C12orf56: variants seen among roughly 807,000 people sequenced by gnomAD.
C12orf56 encodes the protein uncharacterized protein C12orf56.
A neutral mutation model predicts 69.9 loss-of-function variants in C12orf56; 71 were observed. The ratio of observed to expected loss-of-function variants is 1.02; its 90% confidence interval spans 0.84 to 1.24. C12orf56 has a LOEUF of 1.24. Ranked by LOEUF, C12orf56 falls within the 50% of genes most tolerant of loss-of-function variation. The pLI is 0.00. For missense variants in C12orf56, 732 were observed against 738.5 expected (o/e 0.99, Z 0.10); for synonymous variants, 276 against 274.1 (o/e 1.01, Z -0.07).
At chr12:64,308,022 A>G (rs1191760343) in intron 5 of C12orf56, among the ~76,000 whole-genome samples, 1 of 151,838 alleles carries the variant, frequency 6.6e-6, no homozygotes, top group Non-Finnish European at 1.5e-5. Context: ...TCTCAAAAGT[A>G]AATAAAATAT....
chr12:64,322,659 C>A (rs1242511761), intron 3 of C12orf56, among the ~76,000 whole-genome samples: 1 of 152,144 alleles, frequency 6.6e-6, no homozygotes, highest in East Asian at 1.9e-4. Context: ...TTTCTGATAA[C>A]AACATCCTTC....
At chr12:64,281,945 G>A (rs2038134364) in intron 8 of C12orf56, among the ~76,000 whole-genome samples, 1 of 152,104 alleles carries the variant, frequency 6.6e-6, no homozygotes, top group African/African-American at 2.4e-5. Flanking sequence ...AAAAGGTGGA[G>A]AAAAAGGATA....
Position 64,330,980 on chromosome 12 carries a change from A to C in C12orf56, c.468T>G (p.Ser156Arg). The change falls in exon 3 of 13, where the codon AGT becomes AGG. Residue 156 changes from serine to arginine, a missense_variant. By Grantham distance (110) the Ser-to-Arg change is moderately radical (BLOSUM62 -1). Coordinates refer to ENST00000543942, the MANE Select transcript of C12orf56 (RefSeq NM_001170633.2). Reference protein sequence around the residue: ...LAFWRSKESRSLKESPLRDQQ... With the variant: ...LAFWRSKESRRLKESPLRDQQ... ...CTCACCTGAGAGGAGATTCTTTCAGACTTCTGGACTCTTTGCTTCTCCAAA... is the reference window on the plus strand; with the variant it reads ...CTCACCTGAGAGGAGATTCTTTCAGCCTTCTGGACTCTTTGCTTCTCCAAA... 6.4e-7 allele frequency: 1 copy of C among 1,555,940 alleles called. No homozygotes were observed. Among genetic ancestry groups the C allele is most frequent in the Non-Finnish European group, 8.7e-7 (1 of 1,149,170 alleles).
chr12:64,312,863 G>A (rs1278861528), intron 4 of C12orf56, 111 bp from the exon 5 acceptor site: 13 of 705,464 alleles, frequency 1.8e-5, no homozygotes, highest in Admixed American at 5.8e-5. Flanking sequence ...TATAGTACAC[G>A]ATTTGTTTAT....
intron 1 of C12orf56, among the ~76,000 whole-genome samples, chr12:64,384,424 T>G (rs2039760384): frequency 6.6e-6 from 1 of 152,226 alleles, no homozygotes; most frequent in Admixed American, 6.5e-5. Context: ...TTTTTTAGAC[T>G]GCATAGCAAG....
intron 2 of C12orf56, among the ~76,000 whole-genome samples, chr12:64,335,257 A>G (rs1472399724): frequency 2.6e-5 from 4 of 151,918 alleles, no homozygotes; most frequent in Non-Finnish European, 4.4e-5. Flanking sequence ...TCTCTACTAA[A>G]ACACAAAAAT....
rs2136734567 is a variant in C12orf56, at chr12:64,265,585, T to TGGAAAGG, written c.*1591_*1597dup. On this transcript the variant is annotated 3_prime_UTR_variant, in exon 13 of 13. Transcript: ENST00000543942. ...AGCCCAGGAAGAAACAGATGTGGCC[T>TGGAAAGG]GGAAAGGGGGCCTGACTTGCTTGAA... 6.6e-6 allele frequency: 1 copy of TGGAAAGG among 152,368 alleles called. No individual in the cohort carries two copies. The highest frequency in any genetic ancestry group is 2.4e-5 in the African/African-American group (1 of 41,586). 9.4% of individuals were successfully genotyped at this position (152,368 alleles called of 1,614,324 possible). A position where few individuals can be genotyped will look rare whatever the true frequency, so the allele number is the denominator to read the frequency against.
At chr12:64,342,015 T>A (rs1450928428) in intron 2 of C12orf56, among the ~76,000 whole-genome samples, 1 of 152,124 alleles carries the variant, frequency 6.6e-6, no homozygotes, top group Non-Finnish European at 1.5e-5. Flanking sequence ...GAATGGGTCA[T>A]CCTATCCACT....
intron 1 of C12orf56, among the ~76,000 whole-genome samples, chr12:64,358,482 A>AATAATCATCATCATC (rs11275269): frequency 6.8e-4 from 86 of 125,934 alleles, no homozygotes; most frequent in Middle Eastern, 3.9e-3. Flanking sequence ...TAATAATAAT[A>AATAATCATCATCATC]ATCATCATCA....
rs542009327 is a variant in C12orf56 at position 64,351,980 on chromosome 12, T to C, written c.415+914A>G. 1.1e-3 allele frequency among the ~76,000 whole-genome samples: 163 copies of C among 152,192 alleles called. 1 individual carries two copies. Among genetic ancestry groups the C allele is most frequent in the African/African-American group, 3.8e-3 (158 of 41,516 alleles). The stretch of plus-strand genomic sequence containing the variant: ...CTCCCTTCGGATACATCCTTCAAAC[T>C]GGGAAAAGTTAATTTCCCAAACCTT... On this transcript the variant is annotated intron_variant, in intron 2 of 12. Coordinates refer to ENST00000543942, the MANE Select transcript of C12orf56 (RefSeq NM_001170633.2).
chr12:64,327,138 G>C (rs2038856085), intron 3 of C12orf56, among the ~76,000 whole-genome samples: 1 of 152,208 alleles, frequency 6.6e-6, no homozygotes, highest in Admixed American at 6.5e-5. Context: ...GCTCTCAGCA[G>C]ATACAACTCC....
In C12orf56 at chr12:64,267,153, T is replaced by G; in HGVS notation, c.*30A>C. 1 of 1,450,124 alleles carries G rather than the reference T, an allele frequency of 6.9e-7. No homozygotes were observed. Among genetic ancestry groups the G allele is most frequent in the Non-Finnish European group, 9.4e-7 (1 of 1,058,282 alleles). 89.8% of individuals were successfully genotyped at this position (1,450,124 alleles called of 1,614,324 possible). Reference sequence around the variant, plus strand: ...TTGACTCTTGATTAACATTTTATACTCTTATTAACATTGCGTACATTGTTT... The same window carrying G: ...TTGACTCTTGATTAACATTTTATACGCTTATTAACATTGCGTACATTGTTT... On this transcript the variant is annotated 3_prime_UTR_variant, in exon 13 of 13. Coordinates refer to ENST00000543942, the MANE Select transcript of C12orf56 (RefSeq NM_001170633.2).
intron 1 of C12orf56, among the ~76,000 whole-genome samples, chr12:64,361,934 G>A (rs1267970759): frequency 1.3e-5 from 2 of 152,026 alleles, no homozygotes; most frequent in Non-Finnish European, 2.9e-5. Context: ...GTTTCTCCAT[G>A]TTGGTCAGGC....
intron 1 of C12orf56, among the ~76,000 whole-genome samples, chr12:64,366,010 ATAAT>A (rs2039470313): frequency 7.9e-6 from 1 of 126,688 alleles, no homozygotes; most frequent in Non-Finnish European, 1.5e-5. Context: ...ATTATTATAT[ATAAT>A]ATATAGCTTG....
chr12:64,282,705 G>C (rs1353811339), intron 8 of C12orf56, among the ~76,000 whole-genome samples: 1 of 151,796 alleles, frequency 6.6e-6, no homozygotes, highest in African/African-American at 2.4e-5. Context: ...GGGAGGTCGA[G>C]GCTGCAGTGA....
chr12:64,320,070 C>T (rs1269174849), intron 3 of C12orf56, among the ~76,000 whole-genome samples: 2 of 152,244 alleles, frequency 1.3e-5, no homozygotes, highest in African/African-American at 4.8e-5. Flanking sequence ...CAGTGCCGCT[C>T]CCGAACGGGC....
At chr12:64,387,108 A>AAAAAAAAAAAAAAAAAAAT (rs2039804750) in intron 1 of C12orf56, among the ~76,000 whole-genome samples, 1 of 123,142 alleles carries the variant, frequency 8.1e-6, no homozygotes, top group African/African-American at 2.7e-5. Flanking sequence ...AAAAAAAAAA[A>AAAAAAAAAAAAAAAAAAAT]AAGATGTGTT....
chr12:64,270,705 C>G lies in C12orf56; in HGVS notation c.1594G>C (p.Val532Leu). 6.2e-7 allele frequency: 1 copy of G among 1,604,916 alleles called. No individual in the cohort carries two copies. The change falls in exon 12 of 13, where the codon GTG (valine) becomes CTG (leucine). Residue 532 changes from valine to leucine, a missense_variant. Val to Leu is a conservative substitution (Grantham distance 32). Coordinates refer to ENST00000543942, the MANE Select transcript of C12orf56 (RefSeq NM_001170633.2). ...LQSCPPIITF[V>L]ASIVKQVVRG... The stretch of plus-strand genomic sequence containing the variant: ...ACCACTTGTTTCACAATACTGGCCA[C>G]AAAAGTAATCTAGACAAGGAAAATA...
chr12:64,371,567 A>T (rs941147223), intron 1 of C12orf56, among the ~76,000 whole-genome samples: 1 of 151,920 alleles, frequency 6.6e-6, no homozygotes, highest in East Asian at 2.0e-4. Flanking sequence ...GTGGTGGTTC[A>T]CATCTGTAAT....
Sources: gnomAD v4.1 joint callset for allele counts (sites outside exome capture counted in the v4.1 genomes callset) on GRCh38, gnomAD v4.1.1 for gene constraint, MANE v1.5 for transcripts, NCBI Gene and HGNC (gene_info 2026-07-23, HGNC 2026-07-21) for gene names.